OSBPL3: variants seen among roughly 807,000 people sequenced by gnomAD.
OSBPL3 encodes the protein oxysterol binding protein like 3, also known as oxysterol-binding protein-related protein 3.
Under a neutral mutation model 120.1 loss-of-function variants are expected in OSBPL3, and 65 were observed. That is an observed-to-expected ratio of 0.54 (90% CI 0.44 to 0.67). OSBPL3 has a LOEUF of 0.67. Ranked by LOEUF, OSBPL3 falls within the 30% of genes least tolerant of loss-of-function variation. OSBPL3 has a pLI of 0.00. For missense variants in OSBPL3, 1,004 were observed against 1,082.1 expected (o/e 0.93, Z 1.01); for synonymous variants, 416 against 402.6 (o/e 1.03, Z -0.40).
chr7:24,849,002 G>A lies in OSBPL3; in HGVS notation c.1266+67C>T, dbSNP rs1380050680. The A allele has an allele frequency of 2.7e-6, 3 of 1,127,080 alleles. No homozygotes were observed. Among genetic ancestry groups the A allele is most frequent in the Admixed American group, 1.7e-5 (1 of 57,476 alleles). The allele number at this position is 1,127,080 out of a possible 1,614,324, so 69.8% of individuals were successfully genotyped here. ...AGGGGAAGCAGGGAGGTCGTGCAAT[G>A]GGACAGATGGTATCACGGGAGCGGG... On this transcript the variant is annotated intron_variant, in intron 12 of 22. Transcript: ENST00000313367. The surrounding 1 kb of genome is among the most constrained non-coding windows in gnomAD (Gnocchi z 5.4).
chr7:24,892,573 C>A lies in OSBPL3; in HGVS notation c.-101G>T. Reference sequence around the variant, plus strand: ...CAGTGGCAGGTGGTTTAGCTCTTATCCAAAGTATTTAAAAAACATTTTGGG... The same window carrying A: ...CAGTGGCAGGTGGTTTAGCTCTTATACAAAGTATTTAAAAAACATTTTGGG... On this transcript the variant is annotated 5_prime_UTR_variant, in exon 2 of 23. Transcript: ENST00000313367. The A allele has an allele frequency of 6.8e-7, 1 of 1,461,718 alleles. No homozygotes were observed. The highest frequency in any genetic ancestry group is 9.1e-7 in the Non-Finnish European group (1 of 1,094,238). The allele number at this position is 1,461,718 out of a possible 1,614,324, so 90.5% of individuals were successfully genotyped here.
chr7:24,924,151 T>C (rs1810746754), intron 1 of OSBPL3, among the ~76,000 whole-genome samples: 1 of 152,144 alleles, frequency 6.6e-6, no homozygotes, highest in Non-Finnish European at 1.5e-5. Context: ...CAAAATACGT[T>C]TACTTCATGT....
rs894601925 is a variant in OSBPL3, at chr7:24,980,049, T to C, written c.-313A>G. ...AGGAGTCGGGGGCGGGGATGGCCAC[T>C]TGCAGACAGACTGCGGGGCCGGAGC... On this transcript the variant is annotated 5_prime_UTR_variant, in exon 1 of 23. Coordinates refer to ENST00000313367, the MANE Select transcript of OSBPL3 (RefSeq NM_015550.4). 6.1e-6 allele frequency: 6 copies of C among 985,006 alleles called. No homozygotes were observed. The highest frequency in any genetic ancestry group is 1.2e-6 in the Non-Finnish European group (1 of 829,844). 61.0% of individuals were successfully genotyped at this position (985,006 alleles called of 1,614,324 possible). A position where few individuals can be genotyped will look rare whatever the true frequency, so the allele number is the denominator to read the frequency against.
Position 24,797,781 on chromosome 7 carries a change from T to C in OSBPL3, c.*2402A>G, listed in dbSNP as rs1208282838. ...CATGTAACTCAAATGGTACAGTGAT[T>C]AGCATTATTTAACCAGGAGATTTAA... On this transcript the variant is annotated 3_prime_UTR_variant, in exon 23 of 23. Transcript: ENST00000313367. The surrounding 1 kb of genome is among the most constrained non-coding windows in gnomAD (Gnocchi z 4.8). 6.6e-6 allele frequency: 1 copy of C among 152,190 alleles called. No individual in the cohort carries two copies. Among genetic ancestry groups the C allele is most frequent in the Non-Finnish European group, 1.5e-5 (1 of 68,038 alleles). The allele number at this position is 152,190 out of a possible 1,614,324, so 9.4% of individuals were successfully genotyped here. A position where few individuals can be genotyped will look rare whatever the true frequency, so the allele number is the denominator to read the frequency against.
At position 24,830,964 on chromosome 7, in the gene OSBPL3, C is replaced by T; in HGVS notation, c.1747-59G>A. On this transcript the variant is annotated intron_variant, in intron 15 of 22. Coordinates refer to ENST00000313367, the MANE Select transcript of OSBPL3 (RefSeq NM_015550.4). This position sits in a 1 kb window ranked among gnomAD's most constrained non-coding sequence, Gnocchi z 4.4. Reference sequence around the variant, plus strand: ...GTGTCACCAAGAGCTTTATTGTTCACAAAGAACTAAACAAAATAAAACCTC... The same window carrying T: ...GTGTCACCAAGAGCTTTATTGTTCATAAAGAACTAAACAAAATAAAACCTC... 1 of 1,472,492 alleles carries T rather than the reference C, an allele frequency of 6.8e-7. No homozygotes were observed. The highest frequency in any genetic ancestry group is 9.1e-7 in the Non-Finnish European group (1 of 1,104,210). 91.2% of individuals were successfully genotyped at this position (1,472,492 alleles called of 1,614,324 possible).
At position 24,863,245 on chromosome 7, in the gene OSBPL3, C is replaced by T. The variant is rs1183759448; in HGVS notation, c.825G>A (p.Arg275=). The T allele has an allele frequency of 1.2e-6, 2 of 1,614,082 alleles. No homozygotes were observed. Among genetic ancestry groups the T allele is most frequent in the African/African-American group, 1.3e-5 (1 of 74,938 alleles). ...CTTTGCCAATAGCTCTGGACCGCCA[C>T]CTCCTGTGCGATCTTTTTTCCTTTT... ...SPKKEKRSHR[R]WRSRAIGKDA... Residue 275 remains arginine (R), a synonymous_variant, in exon 9 of 23, where the codon AGG becomes AGA. Coordinates refer to ENST00000313367, the MANE Select transcript of OSBPL3 (RefSeq NM_015550.4). The surrounding 1 kb of genome is among the most constrained non-coding windows in gnomAD (Gnocchi z 5.8).
chr7:24,816,729 G>T (rs1794519797), intron 17 of OSBPL3, 41 bp from the exon 18 acceptor site: 1 of 1,281,114 alleles, frequency 7.8e-7, no homozygotes, highest in Non-Finnish European at 1.1e-6. Context: ...AGCAGGAGAG[G>T]TAGGTAGATG....
At chr7:24,856,197 G>C (rs1472736425) in intron 10 of OSBPL3, among the ~76,000 whole-genome samples, 1 of 152,086 alleles carries the variant, frequency 6.6e-6, no homozygotes, top group East Asian at 1.9e-4. Context: ...GACTATGAGA[G>C]GCAGGCACAG....
At position 24,854,421 on chromosome 7, in the gene OSBPL3, T is replaced by TG. The variant is rs766033849; in HGVS notation, c.1028-1788dup. On this transcript the variant is annotated intron_variant, in intron 10 of 22. Transcript: ENST00000313367. The surrounding 1 kb of genome is among the most constrained non-coding windows in gnomAD (Gnocchi z 4.1). ...ACTAAACCTCTCTATATGTTGTTGC[T>TG]GAACTTGTCTGAGGTTGTGGCATTT... 5.5e-4 allele frequency among the ~76,000 whole-genome samples: 84 copies of TG among 151,972 alleles called. No individual in the cohort carries two copies. Among genetic ancestry groups the TG allele is most frequent in the Non-Finnish European group, 1.1e-3 (76 of 68,002 alleles).
At chr7:24,814,125 G>A (rs1034481052) in intron 19 of OSBPL3, among the ~76,000 whole-genome samples, 1 of 152,096 alleles carries the variant, frequency 6.6e-6, no homozygotes, top group South Asian at 2.1e-4. Flanking sequence ...GGACAGGATA[G>A]GGAGTGAATG....
At chr7:24,869,808 C>T (rs1294067174) in intron 5 of OSBPL3, among the ~76,000 whole-genome samples, 2 of 152,240 alleles carry the variant, frequency 1.3e-5, no homozygotes, top group Non-Finnish European at 1.5e-5. Context: ...TCACCACACA[C>T]ATGCCATAGA....
In OSBPL3 at chr7:24,877,232, C is replaced by T. The variant is rs1395075504; in HGVS notation, c.97-5163G>A. Among the ~76,000 whole-genome samples, 1 of 152,076 alleles carries T rather than the reference C, an allele frequency of 6.6e-6. No homozygotes were observed. Among genetic ancestry groups the T allele is most frequent in the African/African-American group, 2.4e-5 (1 of 41,408 alleles). On this transcript the variant is annotated intron_variant, in intron 2 of 22. Transcript: ENST00000313367. This position sits in a 1 kb window ranked among gnomAD's most constrained non-coding sequence, Gnocchi z 4.8. ...GTAGAGGAATAGTGGTGGGCCAAGA[C>T]CTTGAGACAATTGGAAGGAGTTAAG...
intron 2 of OSBPL3, among the ~76,000 whole-genome samples, chr7:24,875,320 C>T (rs77993939): frequency 1.3e-5 from 2 of 152,108 alleles, no homozygotes; most frequent in African/African-American, 2.4e-5. Flanking sequence ...GAAGGCCATG[C>T]TATTTGAGTT....
In OSBPL3 at chr7:24,871,116, A is replaced by G. The variant is rs1035484998; in HGVS notation, c.268-271T>C. 6.6e-6 allele frequency among the ~76,000 whole-genome samples: 1 copy of G among 152,248 alleles called. No homozygotes were observed. The highest frequency in any genetic ancestry group is 6.5e-5 in the Admixed American group (1 of 15,288). ...CAGTTTACACAGCCAGGATGTGAGG[A>G]AACAAAAGAGTAAGCACCGTGGGTT... On this transcript the variant is annotated intron_variant, in intron 4 of 22. Coordinates refer to ENST00000313367, the MANE Select transcript of OSBPL3 (RefSeq NM_015550.4). This position sits in a 1 kb window ranked among gnomAD's most constrained non-coding sequence, Gnocchi z 4.8.
chr7:24,800,702 CCA>C (rs1260951544), intron 22 of OSBPL3, among the ~76,000 whole-genome samples: 6 of 151,914 alleles, frequency 3.9e-5, no homozygotes, highest in Non-Finnish European at 8.8e-5. Context: ...GGTGATCCAC[CCA>C]CTTCGGACTC....
chr7:24,942,534 A>G (rs1813226516), intron 1 of OSBPL3, among the ~76,000 whole-genome samples: 1 of 152,220 alleles, frequency 6.6e-6, no homozygotes. Context: ...TCATCTACTC[A>G]ACCATAGAGA....
intron 1 of OSBPL3, among the ~76,000 whole-genome samples, chr7:24,908,475 C>G (rs1037754374): frequency 6.6e-6 from 1 of 152,226 alleles, no homozygotes; most frequent in African/African-American, 2.4e-5. Flanking sequence ...CTATTACAAT[C>G]TTTCTTCCCT....
In OSBPL3 at chr7:24,938,543, G is replaced by A. The variant is rs1252237408; in HGVS notation, c.-150+41343C>T. ...GCTTCAATTTTCAAGGTCTCCTTAG[G>A]GACCAAGATGGCTTCTGAAACTCTA... is the stretch of plus-strand genomic sequence containing the variant. On this transcript the variant is annotated intron_variant, in intron 1 of 22. Coordinates refer to ENST00000313367, the MANE Select transcript of OSBPL3 (RefSeq NM_015550.4). This position sits in a 1 kb window ranked among gnomAD's most constrained non-coding sequence, Gnocchi z 5.8. Among the ~76,000 whole-genome samples the A allele has an allele frequency of 1.3e-5, 2 of 152,104 alleles. No homozygotes were observed. Among genetic ancestry groups the A allele is most frequent in the Non-Finnish European group, 2.9e-5 (2 of 68,006 alleles).
rs1162993916 is a variant in OSBPL3 at position 24,938,833 on chromosome 7, GTTT to G, written c.-150+41050_-150+41052del. Among the ~76,000 whole-genome samples the G allele has an allele frequency of 4.4e-5, 6 of 136,354 alleles. No individual in the cohort carries two copies. Among genetic ancestry groups the G allele is most frequent in the African/African-American group, 1.6e-4 (6 of 36,754 alleles). The allele number at this position is 136,354 out of a possible 152,430, so 89.5% of individuals were successfully genotyped here. A position where few individuals can be genotyped will look rare whatever the true frequency, so the allele number is the denominator to read the frequency against. ...TGTGTGTGTGTGTGTGTGTGTGTGT[GTTT>G]TGAGAGCAAAACTAATGTGGCCAAG... is the stretch of plus-strand genomic sequence containing the variant. On this transcript the variant is annotated intron_variant, in intron 1 of 22. Transcript: ENST00000313367. The surrounding 1 kb of genome is among the most constrained non-coding windows in gnomAD (Gnocchi z 5.8).
Sources: gnomAD v4.1 joint callset for allele counts (sites outside exome capture counted in the v4.1 genomes callset) on GRCh38, gnomAD v4.1.1 for gene constraint, Gnocchi (gnomAD v3.1) non-coding constraint, MANE v1.5 for transcripts, NCBI Gene and HGNC (gene_info 2026-07-23, HGNC 2026-07-21) for gene names.